TRIM9: variants seen among roughly 807,000 people sequenced by gnomAD.
TRIM9 encodes tripartite motif containing 9.
Under a neutral mutation model 78.3 loss-of-function variants are expected in TRIM9, and 26 were observed. That is an observed-to-expected ratio of 0.33 (90% CI 0.24 to 0.46). TRIM9 has a LOEUF of 0.46. TRIM9 is among the 20% of genes least tolerant of loss of function. The pLI is 1.00. For missense variants in TRIM9, 787 were observed against 1,036.4 expected (o/e 0.76, Z 3.30); for synonymous variants, 398 against 416.5 (o/e 0.96, Z 0.54).
intron 1 of TRIM9, among the ~76,000 whole-genome samples, chr14:51,057,859 A>T (rs528904706): frequency 1.3e-5 from 2 of 152,330 alleles, no homozygotes; most frequent in South Asian, 2.1e-4. Flanking sequence ...TAAGTGGAAA[A>T]GATGTCTACA....
In TRIM9 at chr14:51,094,838, G is replaced by C. The variant is rs1199152427; in HGVS notation, c.102C>G (p.Ala34=). Residue 34 remains alanine, a synonymous_variant, in exon 1 of 13, where the codon GCC becomes GCG. Coordinates refer to ENST00000684578, the MANE Select transcript of TRIM9 (RefSeq NM_001387360.1). The part of the protein sequence containing the change: ...PCSHNLCQAC[A]RNILVQTPES... ...CTGGGGTCTGCACCAGGATGTTGCG[G>C]GCGCACGCCTGACACAAATTGTGAG... 1.3e-6 allele frequency: 2 copies of C among 1,533,162 alleles called. No individual in the cohort carries two copies. The highest frequency in any genetic ancestry group is 2.8e-5 in the African/African-American group (2 of 71,960). The allele number at this position is 1,533,162 out of a possible 1,614,324, so 95.0% of individuals were successfully genotyped here.
intron 7 of TRIM9, 131 bp downstream of exon 7, chr14:50,997,919 T>G: frequency 6.7e-7 from 1 of 1,499,764 alleles, no homozygotes; most frequent in Non-Finnish European, 8.9e-7. Flanking sequence ...ACAGCGGCTC[T>G]GTGCAGAATG....
chr14:51,083,017 AT>A, intron 1 of TRIM9, among the ~76,000 whole-genome samples: 1 of 152,302 alleles, frequency 6.6e-6, no homozygotes, highest in South Asian at 2.1e-4. Flanking sequence ...GAGAATAGTA[AT>A]GGTTCTTGCC....
At chr14:50,995,864 T>C (rs2139456842) in intron 7 of TRIM9, among the ~76,000 whole-genome samples, 1 of 152,340 alleles carries the variant, frequency 6.6e-6, no homozygotes, top group Admixed American at 6.5e-5. Flanking sequence ...AAAACTCTGT[T>C]AATAGCATTT....
chr14:51,005,843 C>T (rs867167468), intron 5 of TRIM9, among the ~76,000 whole-genome samples: 5 of 152,118 alleles, frequency 3.3e-5, no homozygotes, highest in Admixed American at 6.5e-5. Context: ...AAGGTACCAG[C>T]CTTCTCCAGA....
chr14:51,076,308 C>T (rs1462638033), intron 1 of TRIM9, among the ~76,000 whole-genome samples: 1 of 152,212 alleles, frequency 6.6e-6, no homozygotes, highest in Non-Finnish European at 1.5e-5. Context: ...AGGGGTGACT[C>T]TAAGGGACTG....
At position 51,094,138 on chromosome 14, in the gene TRIM9, C is replaced by T. The variant is rs1389348726; in HGVS notation, c.802G>A (p.Ala268Thr). Reference protein sequence around the residue: ...HSSHEVKALGAMWKLHKSQLS... With the variant: ...HSSHEVKALGTMWKLHKSQLS... ...CTCACCTTATGTAGTTTCCACATGG[C>T]CCCCAGAGCCTTGACTTCGTGGCTG... The change falls in exon 1 of 13, where the codon GCC (alanine) becomes ACC (threonine). Residue 268 changes from alanine (A) to threonine (T), a missense_variant. Physicochemically the swap from Ala to Thr is moderately conservative, Grantham distance 58 (BLOSUM62 0). Coordinates refer to ENST00000684578, the MANE Select transcript of TRIM9 (RefSeq NM_001387360.1). 1.2e-6 allele frequency: 2 copies of T among 1,613,246 alleles called. No individual in the cohort carries two copies. Among genetic ancestry groups the T allele is most frequent in the Admixed American group, 1.7e-5 (1 of 60,006 alleles).
At chr14:51,071,387 G>GAAAAAAAAAAAAAA (rs56726763) in intron 1 of TRIM9, among the ~76,000 whole-genome samples, 2 of 115,872 alleles carry the variant, frequency 1.7e-5, no homozygotes. Context: ...AAAAAAAAAA[G>GAAAAAAAAAAAAAA]AAAAAAAAAA....
Position 50,983,424 on chromosome 14 carries a change from A to G in TRIM9, c.1793-3T>C, listed in dbSNP as rs1329078065. On this transcript the variant is annotated splice_polypyrimidine_tract_variant and splice_region_variant and intron_variant, in intron 8 of 12. Coordinates refer to ENST00000684578, the MANE Select transcript of TRIM9 (RefSeq NM_001387360.1). ...AGATTGTGTCTCAAAATTGCATCCT[A>G]TAAAGAGATACTACACATCAACGCT... 1.6e-5 allele frequency: 24 copies of G among 1,542,012 alleles called. No homozygotes were observed. The highest frequency in any genetic ancestry group is 2.1e-5 in the Non-Finnish European group (24 of 1,142,262).
rs749744176 is a variant in TRIM9, at chr14:51,009,245, A to G, written c.1153-12T>C. The G allele has an allele frequency of 1.2e-6, 2 of 1,613,880 alleles. No homozygotes were observed. The stretch of plus-strand genomic sequence containing the variant: ...AGGGCGTCAGAAATCTAATCAGATA[A>G]AGAGGACCACAGCCTAAGAAATACA... On this transcript the variant is annotated splice_polypyrimidine_tract_variant and intron_variant, in intron 4 of 12. Transcript: ENST00000684578.
At chr14:51,081,616 C>T (rs1388051738) in intron 1 of TRIM9, among the ~76,000 whole-genome samples, 1 of 152,202 alleles carries the variant, frequency 6.6e-6, no homozygotes, top group East Asian at 1.9e-4. Flanking sequence ...CACAGGATTG[C>T]CCTCACTTCA....
chr14:51,009,102 C>G lies in TRIM9; in HGVS notation c.1284G>C (p.Gln428His). 1 of 1,613,984 alleles carries G rather than the reference C, an allele frequency of 6.2e-7. No individual in the cohort carries two copies. The highest frequency in any genetic ancestry group is 8.5e-7 in the Non-Finnish European group (1 of 1,179,890). The stretch of plus-strand genomic sequence containing the variant: ...TACCTTTCACTTGCACGAAATCCAG[C>G]TGGTGGATGGATTGCAGCAGAGGGC... ...DNSPLLQSIH[Q>H]LDFVQVKASS... Residue 428 changes from glutamine to histidine, a missense_variant, in exon 5 of 13, where the codon CAG (glutamine) becomes CAC (histidine). Transcript: ENST00000684578.
intron 1 of TRIM9, among the ~76,000 whole-genome samples, chr14:51,045,778 G>A (rs1453296778): frequency 6.6e-6 from 1 of 152,156 alleles, no homozygotes. Context: ...TCCATTATTT[G>A]TAATAAATAA....
At chr14:51,005,740 G>T (rs1345527040) in intron 5 of TRIM9, among the ~76,000 whole-genome samples, 1 of 152,116 alleles carries the variant, frequency 6.6e-6, no homozygotes, top group African/African-American at 2.4e-5. Flanking sequence ...AAGACCAAAT[G>T]CCACTTCCAG....
intron 1 of TRIM9, among the ~76,000 whole-genome samples, chr14:51,054,466 G>C (rs1469707308): frequency 1.3e-5 from 2 of 151,438 alleles, no homozygotes; most frequent in African/African-American, 4.9e-5. Flanking sequence ...GTTAGAGATG[G>C]GGTGTCATTA....
intron 7 of TRIM9, among the ~76,000 whole-genome samples, chr14:50,991,561 T>G (rs1031850029): frequency 4.6e-5 from 7 of 152,206 alleles, no homozygotes; most frequent in Non-Finnish European, 7.3e-5. Context: ...GTAGACCATA[T>G]ACATTTCCTT....
intron 3 of TRIM9, 108 bp from the exon 4 acceptor site, chr14:51,010,602 G>T: frequency 1.3e-6 from 1 of 763,552 alleles, no homozygotes; most frequent in Non-Finnish European, 2.2e-6. Context: ...TTCCATTCTG[G>T]AATGGAACTA....
chr14:51,060,147 GT>G (rs1195964895), intron 1 of TRIM9, among the ~76,000 whole-genome samples: 1 of 152,158 alleles, frequency 6.6e-6, no homozygotes, highest in East Asian at 1.9e-4. Context: ...ACAGACTGTA[GT>G]TGGCTTCTAG....
chr14:51,089,837 C>T (rs745552295), intron 1 of TRIM9: 4 of 152,178 alleles, frequency 2.6e-5, no homozygotes, highest in African/African-American at 7.2e-5. Flanking sequence ...GAGATTTTTA[C>T]GCAGTAATTG....
Sources: gnomAD v4.1 joint callset for allele counts (sites outside exome capture counted in the v4.1 genomes callset) on GRCh38, gnomAD v4.1.1 for gene constraint, MANE v1.5 for transcripts, NCBI Gene and HGNC (gene_info 2026-07-23, HGNC 2026-07-21) for gene names.